Variants in ABCC3 observed in about 807,000 individuals in gnomAD.
The protein encoded by ABCC3 is ATP binding cassette subfamily C member 3.
In ABCC3, 121 loss-of-function variants were observed where a neutral mutation model predicts 165.3. That is an observed-to-expected ratio of 0.73 (90% CI 0.63 to 0.85). The LOEUF (loss-of-function observed/expected upper bound fraction) is 0.85. Among genes scored for constraint, ABCC3 ranks in the 40% least tolerant of loss-of-function variants. ABCC3 has a pLI of 0.00. For missense variants in ABCC3, 1,869 were observed against 1,964.1 expected (o/e 0.95, Z 0.92); for synonymous variants, 733 against 810.1 (o/e 0.90, Z 1.62).
At chr17:50,667,504 G>T in intron 11 of ABCC3, 50 bp from the exon 12 acceptor site, 1 of 1,515,802 alleles carries the variant, frequency 6.6e-7, no homozygotes, top group Non-Finnish European at 9.1e-7. Context: ...GTGAGCAGGA[G>T]GTCAGGGGAG....
chr17:50,644,752 C>G (rs1418443464), intron 1 of ABCC3, among the ~76,000 whole-genome samples: 1 of 151,340 alleles, frequency 6.6e-6, no homozygotes, highest in Non-Finnish European at 1.5e-5. Context: ...GGTGCAGTGG[C>G]TCATGCCTGT....
rs758636064 is a variant in ABCC3, at chr17:50,675,379, G to T, written c.2617G>T (p.Asp873Tyr). 4 of 1,613,516 alleles carry T rather than the reference G, an allele frequency of 2.5e-6. No homozygotes were observed. Among genetic ancestry groups the T allele is most frequent in the Middle Eastern group, 1.7e-4 (1 of 6,054 alleles). Residue 873 changes from aspartate to tyrosine, a missense_variant, in exon 20 of 31, where the codon GAT becomes TAT. By Grantham distance (160) the Asp-to-Tyr change is radical. Coordinates refer to ENST00000285238, the MANE Select transcript of ABCC3 (RefSeq NM_003786.4). Reference sequence around the variant, plus strand: ...TACTGCAGCGTTGGAAGGTGCAGAGGATAAGGAGGCACTGCTGATTGAAGA... The same window carrying T: ...TACTGCAGCGTTGGAAGGTGCAGAGTATAAGGAGGCACTGCTGATTGAAGA... ...DSWTALEGAEDKEALLIEDTL... is the reference protein window; with the variant it reads ...DSWTALEGAEYKEALLIEDTL...
At chr17:50,675,578 T>C (rs1412221080) in intron 20 of ABCC3, 53 bp from the exon 21 acceptor site, 4 of 1,563,614 alleles carry the variant, frequency 2.6e-6, no homozygotes, top group Non-Finnish European at 3.5e-6. Context: ...CCAGCCTCTG[T>C]CCTGGGGGGT....
At chr17:50,658,034 G>A (rs1164057326) in intron 4 of ABCC3, 48 bp from the exon 5 acceptor site, 1 of 1,613,014 alleles carries the variant, frequency 6.2e-7, no homozygotes, top group Non-Finnish European at 8.5e-7. Flanking sequence ...GGGGCTGCAG[G>A]CCCAGGCTTT....
chr17:50,648,426 C>T (rs1597841156), intron 1 of ABCC3, among the ~76,000 whole-genome samples: 1 of 152,164 alleles, frequency 6.6e-6, no homozygotes, highest in Non-Finnish European at 1.5e-5. Context: ...CAAAGCCAGG[C>T]AAATTCCAGC....
At chr17:50,675,599 C>A in intron 20 of ABCC3, 32 bp from the exon 21 acceptor site, 1 of 1,559,604 alleles carries the variant, frequency 6.4e-7, no homozygotes, top group South Asian at 1.2e-5. Context: ...GCTTGAGGCC[C>A]CCTCCCTGGG....
Position 50,657,202 on chromosome 17 carries a change from G to C in ABCC3, c.486+19G>C. The C allele has an allele frequency of 1.2e-6, 2 of 1,611,792 alleles. No homozygotes were observed. Among genetic ancestry groups the C allele is most frequent in the Admixed American group, 1.7e-5 (1 of 59,788 alleles). On this transcript the variant is annotated intron_variant, in intron 4 of 30. Transcript: ENST00000285238. ...GGCAGAGGTAAGGTTGGGGGAGAGG[G>C]GAACCTGCCAGGTTTAGCCCTGATA... is the stretch of plus-strand genomic sequence containing the variant.
intron 1 of ABCC3, among the ~76,000 whole-genome samples, chr17:50,654,762 G>A (rs1002821553): frequency 7.2e-5 from 11 of 152,144 alleles, no homozygotes; most frequent in Admixed American, 6.6e-4. Context: ...TAAACTGTGT[G>A]TATATATCAC....
At chr17:50,644,109 G>A (rs182989324) in intron 1 of ABCC3, among the ~76,000 whole-genome samples, 5 of 150,860 alleles carry the variant, frequency 3.3e-5, no homozygotes, top group South Asian at 4.2e-4. Flanking sequence ...TCAGGAGTTC[G>A]AGACCAGCCT....
At chr17:50,647,155 G>T (rs1420463960) in intron 1 of ABCC3, among the ~76,000 whole-genome samples, 1 of 152,230 alleles carries the variant, frequency 6.6e-6, no homozygotes, top group Non-Finnish European at 1.5e-5. Flanking sequence ...GGGATTACAG[G>T]TGTAAGCCAT....
At chr17:50,673,964 C>A (rs571261479) in intron 19 of ABCC3, among the ~76,000 whole-genome samples, 1 of 23,172 alleles carries the variant, frequency 4.3e-5, no homozygotes, top group African/African-American at 2.1e-4. Flanking sequence ...TTCTTTCTTT[C>A]TTTCTTTCTT....
At chr17:50,660,041 C>A (rs1482828799) in intron 7 of ABCC3, among the ~76,000 whole-genome samples, 5 of 152,134 alleles carry the variant, frequency 3.3e-5, no homozygotes, top group Non-Finnish European at 5.9e-5. Context: ...CAGAGGGCCT[C>A]CCAGGGTCCC....
chr17:50,658,285 C>G (rs931709188), intron 5 of ABCC3, 78 bp downstream of exon 5: 14 of 1,605,972 alleles, frequency 8.7e-6, no homozygotes, highest in Admixed American at 1.7e-5. Context: ...CCCAACCCCT[C>G]CAGTTCCTTT....
chr17:50,685,159 AG>A (rs1282539249), intron 29 of ABCC3, among the ~76,000 whole-genome samples: 1 of 152,202 alleles, frequency 6.6e-6, no homozygotes, highest in East Asian at 1.9e-4. Context: ...GGGAGAAGGC[AG>A]GTCTGGGATT....
At chr17:50,652,363 CTAAAGCTTTTGAA>C (rs1967128733) in intron 1 of ABCC3, among the ~76,000 whole-genome samples, 1 of 152,018 alleles carries the variant, frequency 6.6e-6, no homozygotes, top group African/African-American at 2.4e-5. Flanking sequence ...GCCCAGATGA[CTAAAGCTTTTGAA>C]TAAGATTCGT....
At chr17:50,665,399 C>T (rs1967501394) in intron 11 of ABCC3, among the ~76,000 whole-genome samples, 154 bp downstream of exon 11, 1 of 152,198 alleles carries the variant, frequency 6.6e-6, no homozygotes. Context: ...ACTCTTCCCT[C>T]ACAGCTCTCA....
At position 50,655,536 on chromosome 17, in the gene ABCC3, A is replaced by G. The variant is rs564196865; in HGVS notation, c.46-296A>G. ...TGGGAGCAGTTTTGCAGGTGTATAC[A>G]ACTGTCAAAACTCACTGATTGTACA... is the stretch of plus-strand genomic sequence containing the variant. On this transcript the variant is annotated intron_variant, in intron 1 of 30. Transcript: ENST00000285238. Among the ~76,000 whole-genome samples, 8 of 152,186 alleles carry G rather than the reference A, an allele frequency of 5.3e-5. No individual in the cohort carries two copies. The South Asian group carries it at 1.7e-3, about 32-fold the overall frequency.
intron 29 of ABCC3, among the ~76,000 whole-genome samples, chr17:50,686,733 C>A (rs1260012589): frequency 6.6e-6 from 1 of 152,184 alleles, no homozygotes; most frequent in Non-Finnish European, 1.5e-5. Flanking sequence ...GTGTCCTGTG[C>A]CAGTTCCACC....
At chr17:50,679,944 T>C (rs1294860016) in intron 26 of ABCC3, 45 bp downstream of exon 26, 1 of 1,531,628 alleles carries the variant, frequency 6.5e-7, no homozygotes, top group African/African-American at 1.4e-5. Flanking sequence ...CTGAAGTAGC[T>C]GGGGAAGAAA....
Sources: allele counts gnomAD v4.1 joint callset (sites outside exome capture counted in the v4.1 genomes callset), GRCh38; gene constraint gnomAD v4.1.1; transcripts MANE v1.5; gene names NCBI Gene and HGNC (gene_info 2026-07-23, HGNC 2026-07-21).